The following CCDC85A variants were observed in gnomAD, a reference collection of about 807,000 sequenced individuals.
The protein encoded by CCDC85A is coiled-coil domain-containing protein 85A.
Under a neutral mutation model 50.2 loss-of-function variants are expected in CCDC85A, and 38 were observed. The ratio of observed to expected loss-of-function variants is 0.76; its 90% CI spans 0.58 to 0.99. The LOEUF is 0.99. Among genes scored for constraint, CCDC85A ranks in the 50% least tolerant of loss-of-function variants. The probability of loss-of-function intolerance (pLI) is 0.00; values close to 1 mark genes in which losing one functional copy is unlikely to be tolerated. For missense variants in CCDC85A, 820 were observed against 742.0 expected, an observed-to-expected ratio of 1.11 and a Z score of -1.22; for synonymous variants, 366 against 301.4, an observed-to-expected ratio of 1.21 and a Z score of -2.22.
intron 2 of CCDC85A, among the ~76,000 whole-genome samples, chr2:56,262,578 G>C (rs181320786): frequency 2.0e-5 from 3 of 152,256 alleles, no homozygotes; most frequent in African/African-American, 7.2e-5. Context: ...CTCATGACCA[G>C]TGGTAGCCAT....
intron 2 of CCDC85A, among the ~76,000 whole-genome samples, chr2:56,273,191 G>T (rs1158212034): frequency 2.0e-5 from 3 of 152,076 alleles, no homozygotes; most frequent in African/African-American, 7.2e-5. Context: ...TAAAAGATAA[G>T]AAAACTAGGA....
At position 56,184,701 on chromosome 2, in the gene CCDC85A, C is replaced by T; in HGVS notation, c.77C>T (p.Ser26Phe). 1 of 1,526,472 alleles carries T rather than the reference C, an allele frequency of 6.6e-7. No individual in the cohort carries two copies. Among genetic ancestry groups the T allele is most frequent in the Non-Finnish European group, 8.8e-7 (1 of 1,140,774 alleles). 94.6% of individuals were successfully genotyped at this position (1,526,472 alleles called of 1,614,324 possible). A position where few individuals can be genotyped will look rare whatever the true frequency, so the allele number is the denominator to read the frequency against. The stretch of plus-strand genomic sequence containing the variant: ...TGTTCCCCAGCCCCGGCCGGCTCGT[C>T]CGCGGCCCCGCCCGCGCCGGTGGAG... The part of the protein sequence containing the change: ...ESCSPAPAGS[S>F]AAPPAPVEDL... Residue 26 changes from serine (S) to phenylalanine (F), a missense_variant, in exon 1 of 6, where the codon TCC (serine) becomes TTC (phenylalanine). Coordinates refer to ENST00000407595, the MANE Select transcript of CCDC85A (RefSeq NM_001080433.2).
At chr2:56,354,949 C>T (rs919240362) in intron 3 of CCDC85A, among the ~76,000 whole-genome samples, 3 of 152,186 alleles carry the variant, frequency 2.0e-5, no homozygotes, top group African/African-American at 7.2e-5. Context: ...CAGGCCACAC[C>T]AGCCCAAATT....
At chr2:56,380,424 G>A (rs1407771733) in intron 5 of CCDC85A, among the ~76,000 whole-genome samples, 1 of 152,078 alleles carries the variant, frequency 6.6e-6, no homozygotes, top group Admixed American at 6.5e-5. Context: ...GCCAGGCACA[G>A]TAGCACACAC....
chr2:56,188,515 A>G (rs993815439), intron 1 of CCDC85A, among the ~76,000 whole-genome samples: 1 of 152,224 alleles, frequency 6.6e-6, no homozygotes. Context: ...AGTCAAAGGG[A>G]AGTATTTTCC....
At chr2:56,343,547 A>T (rs1674480615) in intron 3 of CCDC85A, among the ~76,000 whole-genome samples, 1 of 152,220 alleles carries the variant, frequency 6.6e-6, no homozygotes, top group Non-Finnish European at 1.5e-5. Context: ...CGTTTCACTT[A>T]TAAAATTCTT....
intron 2 of CCDC85A, among the ~76,000 whole-genome samples, chr2:56,275,529 A>T (rs1466137706): frequency 6.6e-6 from 1 of 152,072 alleles, no homozygotes; most frequent in Non-Finnish European, 1.5e-5. Flanking sequence ...TATTTAATAA[A>T]TTTTCACTTT....
intron 2 of CCDC85A, among the ~76,000 whole-genome samples, chr2:56,323,115 T>A (rs972941777): frequency 4.6e-5 from 7 of 151,504 alleles, no homozygotes; most frequent in Non-Finnish European, 1.0e-4. Context: ...GGACACAGGG[T>A]GGGGAACATC....
chr2:56,291,786 T>C (rs1671721462), intron 2 of CCDC85A, among the ~76,000 whole-genome samples: 1 of 151,622 alleles, frequency 6.6e-6, no homozygotes, highest in Non-Finnish European at 1.5e-5. Flanking sequence ...TTTTTTTTTT[T>C]TTTTTTAGAC....
At chr2:56,364,790 C>T (rs1320757973) in intron 3 of CCDC85A, among the ~76,000 whole-genome samples, 1 of 152,164 alleles carries the variant, frequency 6.6e-6, no homozygotes. Flanking sequence ...GCCCTCTAAT[C>T]CATCAATATT....
At chr2:56,269,560 T>C (rs1670608120) in intron 2 of CCDC85A, among the ~76,000 whole-genome samples, 1 of 152,188 alleles carries the variant, frequency 6.6e-6, no homozygotes, top group South Asian at 2.1e-4. Context: ...TTGTCTTTGC[T>C]AACACGTATT....
rs569550499 is a variant in CCDC85A, at chr2:56,347,262, C to G, written c.1317+4307C>G. On this transcript the variant is annotated intron_variant, in intron 3 of 5. Transcript: ENST00000407595. Reference sequence around the variant, plus strand: ...GGTTCACAGAGGTTAGGAGCGTCCTCCTGTCAGGCAGCCAGTGAAGGCCGG... The same window carrying G: ...GGTTCACAGAGGTTAGGAGCGTCCTGCTGTCAGGCAGCCAGTGAAGGCCGG... Among the ~76,000 whole-genome samples the G allele has an allele frequency of 7.9e-5, 12 of 152,290 alleles. No individual in the cohort carries two copies. In the South Asian group the frequency reaches 1.5e-3, roughly 18 times the overall value.
At chr2:56,264,146 A>G (rs1332774259) in intron 2 of CCDC85A, among the ~76,000 whole-genome samples, 1 of 152,182 alleles carries the variant, frequency 6.6e-6, no homozygotes, top group African/African-American at 2.4e-5. Flanking sequence ...GATTTCATCC[A>G]GTCTCATGCC....
At chr2:56,220,219 T>A (rs975561185) in intron 2 of CCDC85A, among the ~76,000 whole-genome samples, 3 of 149,790 alleles carry the variant, frequency 2.0e-5, no homozygotes, top group Non-Finnish European at 4.5e-5. Context: ...CTCCCTTCCA[T>A]AATCCCTTTT....
At chr2:56,219,656 A>G (rs1668235223) in intron 2 of CCDC85A, among the ~76,000 whole-genome samples, 1 of 151,790 alleles carries the variant, frequency 6.6e-6, no homozygotes, top group African/African-American at 2.4e-5. Context: ...GCTTTTAGAG[A>G]TCTATGTGTA....
Position 56,189,295 on chromosome 2 carries a change from G to GTATTTTTTTTTTTTTTTTTT in CCDC85A, c.277-3181_277-3180insATTTTTTTTTTTTTTTTTTT, listed in dbSNP as rs773078371. On this transcript the variant is annotated intron_variant, in intron 1 of 5. Coordinates refer to ENST00000407595, the MANE Select transcript of CCDC85A (RefSeq NM_001080433.2). Reference sequence around the variant, plus strand: ...GCAAAACATGCACGGGGTATTTTTGGTGTTTTTTTTTTTTTTTGAGACAAG... The same window carrying GTATTTTTTTTTTTTTTTTTT: ...GCAAAACATGCACGGGGTATTTTTGGTATTTTTTTTTTTTTTTTTTTGTTTTTTTTTTTTTTTGAGACAAG... Among the ~76,000 whole-genome samples, 27 of 100,440 alleles carry GTATTTTTTTTTTTTTTTTTT rather than the reference G, an allele frequency of 2.7e-4. 1 individual carries two copies. The highest frequency in any genetic ancestry group is 5.4e-4 in the African/African-American group (12 of 22,398). 65.9% of individuals were successfully genotyped at this position (100,440 alleles called of 152,430 possible). A position where few individuals can be genotyped will look rare whatever the true frequency, so the allele number is the denominator to read the frequency against.
At chr2:56,203,763 C>T (rs1676843117) in intron 2 of CCDC85A, among the ~76,000 whole-genome samples, 1 of 151,934 alleles carries the variant, frequency 6.6e-6, no homozygotes, top group African/African-American at 2.4e-5. Context: ...AGCTTTACGG[C>T]AATGAAAAAC....
chr2:56,317,371 A>G (rs1672969024), intron 2 of CCDC85A, among the ~76,000 whole-genome samples: 1 of 152,158 alleles, frequency 6.6e-6, no homozygotes, highest in Non-Finnish European at 1.5e-5. Context: ...CCAAAAGTCT[A>G]CACTGGCATT....
At chr2:56,236,887 A>G (rs191362117) in intron 2 of CCDC85A, among the ~76,000 whole-genome samples, 1 of 152,254 alleles carries the variant, frequency 6.6e-6, no homozygotes, top group East Asian at 1.9e-4. Flanking sequence ...CCAAAAAGGT[A>G]TTAGATTGTC....
Sources: allele counts gnomAD v4.1 joint callset (sites outside exome capture counted in the v4.1 genomes callset), GRCh38; gene constraint gnomAD v4.1.1; transcripts MANE v1.5; gene names NCBI Gene and HGNC (gene_info 2026-07-23, HGNC 2026-07-21).